The following ITK variants were observed in gnomAD, a reference collection of about 807,000 sequenced individuals.
The protein encoded by ITK is IL2 inducible T cell kinase.
Under a neutral mutation model 87.6 loss-of-function variants are expected in ITK, and 45 were observed. The observed-to-expected ratio is 0.51, with a 90% CI of 0.40 to 0.66. ITK has a LOEUF of 0.66. Ranked by LOEUF, ITK falls within the 30% of genes least tolerant of loss-of-function variation. The pLI, the probability that ITK is intolerant of heterozygous loss-of-function variation, is 0.00. For missense variants in ITK, 605 were observed against 766.3 expected (o/e 0.79, Z 2.48); for synonymous variants, 303 against 273.6 (o/e 1.11, Z -1.06).
At chr5:157,183,120 CTTTAATTA>C (rs757043447) in intron 1 of ITK, among the ~76,000 whole-genome samples, 7 of 151,818 alleles carry the variant, frequency 4.6e-5, no homozygotes, top group Non-Finnish European at 1.0e-4. Context: ...AAAAGTATTT[CTTTAATTA>C]TTTAATTATT....
At chr5:157,190,561 G>A (rs1753733099) in intron 1 of ITK, among the ~76,000 whole-genome samples, 1 of 152,182 alleles carries the variant, frequency 6.6e-6, no homozygotes, top group African/African-American at 2.4e-5. Flanking sequence ...TGCATTCTAG[G>A]GGATGGGACA....
At chr5:157,217,606 G>C (rs1245944442) in intron 4 of ITK, among the ~76,000 whole-genome samples, 1 of 152,254 alleles carries the variant, frequency 6.6e-6, no homozygotes, top group East Asian at 1.9e-4. Flanking sequence ...CAGAAAGAGA[G>C]GGCCCCCGAA....
Position 157,241,719 on chromosome 5 carries a change from C to A in ITK, c.1059C>A (p.Tyr353Ter), listed in dbSNP as rs774515901. 1 of 1,610,404 alleles carries A rather than the reference C, an allele frequency of 6.2e-7. No individual in the cohort carries two copies. The highest frequency in any genetic ancestry group is 8.5e-7 in the Non-Finnish European group (1 of 1,176,850). ...QKAPVTAGLRYGKWVIDPSEL... is the reference protein window; with the variant it reads ...QKAPVTAGLR The stretch of plus-strand genomic sequence containing the variant: ...CCCCAGTTACAGCAGGGCTGAGATA[C>A]GGTGAGCAGTACAATCAGGAATGTA... The change falls in exon 11 of 17, where the codon TAC becomes TAA. Residue 353 changes from tyrosine (Y) to a stop codon, truncating the protein, a stop_gained and splice_region_variant. Coordinates refer to ENST00000422843, the MANE Select transcript of ITK (RefSeq NM_005546.4). LOFTEE classifies it high-confidence loss of function.
Position 157,252,940 on chromosome 5 carries a change from A to G in ITK, c.*262A>G. On this transcript the variant is annotated 3_prime_UTR_variant, in exon 17 of 17. Coordinates refer to ENST00000422843, the MANE Select transcript of ITK (RefSeq NM_005546.4). ...TGCCCTTCCTCTAGCCTCTTGTCAC[A>G]TGTGGTGCACAAACCTCAACCTGAC... 1.9e-6 allele frequency: 1 copy of G among 531,952 alleles called. No individual in the cohort carries two copies. Among genetic ancestry groups the G allele is most frequent in the East Asian group, 3.2e-5 (1 of 31,128 alleles). The allele number at this position is 531,952 out of a possible 1,614,324, so 33.0% of individuals were successfully genotyped here. A position where few individuals can be genotyped will look rare whatever the true frequency, so the allele number is the denominator to read the frequency against.
intron 1 of ITK, 96 bp downstream of exon 1, chr5:157,181,211 G>T (rs1362141785): frequency 8.7e-6 from 11 of 1,257,192 alleles, no homozygotes; most frequent in Non-Finnish European, 1.3e-5. Context: ...ATAGAGCACA[G>T]GAAACACAAA....
intron 15 of ITK, 22 bp from the exon 16 acceptor site, chr5:157,248,827 GC>G (rs1561666170): frequency 6.2e-7 from 1 of 1,613,850 alleles, no homozygotes. Context: ...CATTCACTGT[GC>G]TGTGCTCACC....
At chr5:157,184,260 G>A (rs1051187886) in intron 1 of ITK, among the ~76,000 whole-genome samples, 1 of 152,168 alleles carries the variant, frequency 6.6e-6, no homozygotes, top group Non-Finnish European at 1.5e-5. Context: ...GCTTGTTGGA[G>A]AGCCCTGATT....
chr5:157,247,950 A>T (rs1404557581), intron 15 of ITK, among the ~76,000 whole-genome samples: 1 of 152,222 alleles, frequency 6.6e-6, no homozygotes, highest in African/African-American at 2.4e-5. Flanking sequence ...ACTAAAAATT[A>T]TGGTGTCTTG....
At chr5:157,201,446 T>C (rs930568013) in intron 1 of ITK, among the ~76,000 whole-genome samples, 17 of 151,912 alleles carry the variant, frequency 1.1e-4, no homozygotes, top group African/African-American at 2.2e-4. Context: ...TACAGATGCG[T>C]ACCACCATGC....
Position 157,223,131 on chromosome 5 carries a change from A to G in ITK, c.647+117A>G. ...AACCACAGCACTGAGGTGGGAGAAG[A>G]GAGCAGAGGCAGAAGGAAGAGGGAG... On this transcript the variant is annotated intron_variant, in intron 6 of 16. Transcript: ENST00000422843. The G allele has an allele frequency of 4.8e-6, 6 of 1,261,846 alleles. 1 individual carries two copies. The South Asian group carries it at 4.8e-5, about 10-fold the overall frequency. The allele number at this position is 1,261,846 out of a possible 1,614,324, so 78.2% of individuals were successfully genotyped here. A position where few individuals can be genotyped will look rare whatever the true frequency, so the allele number is the denominator to read the frequency against.
chr5:157,198,481 C>A (rs529935337), intron 1 of ITK, among the ~76,000 whole-genome samples: 2 of 152,236 alleles, frequency 1.3e-5, no homozygotes, highest in African/African-American at 4.8e-5. Context: ...GAAAGCCAGC[C>A]AACGGTGGGC....
chr5:157,201,741 A>C (rs1413762401), intron 1 of ITK, among the ~76,000 whole-genome samples: 2 of 151,528 alleles, frequency 1.3e-5, no homozygotes, highest in Admixed American at 6.6e-5. Context: ...TTCCACAAAA[A>C]AAAAAAAAAA....
chr5:157,248,836 AC>A lies in ITK; in HGVS notation c.1634-12del. 1 of 1,613,904 alleles carries A rather than the reference AC, an allele frequency of 6.2e-7. No homozygotes were observed. The highest frequency in any genetic ancestry group is 1.1e-5 in the South Asian group (1 of 91,072). On this transcript the variant is annotated splice_polypyrimidine_tract_variant and intron_variant, in intron 15 of 16. Coordinates refer to ENST00000422843, the MANE Select transcript of ITK (RefSeq NM_005546.4). ...CTTTGTCATTCACTGTGCTGTGCTCACCATTTCTTGTAGGTGTGCTGATGTG... is the reference window on the plus strand; with the variant it reads ...CTTTGTCATTCACTGTGCTGTGCTCACATTTCTTGTAGGTGTGCTGATGTG...
chr5:157,223,456 G>A (rs1262560635), intron 6 of ITK, among the ~76,000 whole-genome samples: 3 of 151,968 alleles, frequency 2.0e-5, no homozygotes, highest in South Asian at 2.1e-4. Context: ...ATGTTAGGAC[G>A]CATCAGAAAG....
intron 4 of ITK, among the ~76,000 whole-genome samples, chr5:157,216,025 T>C (rs962439758): frequency 1.3e-5 from 2 of 152,114 alleles, no homozygotes; most frequent in African/African-American, 2.4e-5. Flanking sequence ...ACTCTTGGGG[T>C]CCTGCTGTGG....
At chr5:157,249,692 T>G (rs1376404543) in intron 16 of ITK, among the ~76,000 whole-genome samples, 1 of 152,246 alleles carries the variant, frequency 6.6e-6, no homozygotes, top group Non-Finnish European at 1.5e-5. Context: ...GCTTTACCAT[T>G]TATTTGCCAT....
At chr5:157,251,307 A>G (rs556121504) in intron 16 of ITK, among the ~76,000 whole-genome samples, 5 of 152,340 alleles carry the variant, frequency 3.3e-5, no homozygotes, top group Admixed American at 6.5e-5. Flanking sequence ...CTTCTTGGTA[A>G]TATCTATTCA....
chr5:157,249,748 G>T (rs1407529357), intron 16 of ITK, among the ~76,000 whole-genome samples: 2 of 152,114 alleles, frequency 1.3e-5, no homozygotes, highest in Admixed American at 6.6e-5. Flanking sequence ...ACTGTTAAGA[G>T]AATTAAATAA....
chr5:157,249,642 G>A (rs896910170), intron 16 of ITK, among the ~76,000 whole-genome samples: 4 of 152,186 alleles, frequency 2.6e-5, no homozygotes, highest in African/African-American at 9.7e-5. Context: ...CGACAACAAG[G>A]TGGAATACAA....
Sources: gnomAD v4.1 joint callset for allele counts (sites outside exome capture counted in the v4.1 genomes callset) on GRCh38, gnomAD v4.1.1 for gene constraint, MANE v1.5 for transcripts, NCBI Gene and HGNC (gene_info 2026-07-23, HGNC 2026-07-21) for gene names.